SLC28A1: variants seen among roughly 807,000 people sequenced by gnomAD.
SLC28A1 encodes sodium/nucleoside cotransporter 1.
In SLC28A1, 64 loss-of-function variants were observed where a neutral mutation model predicts 74.8. The ratio of observed to expected loss-of-function variants is 0.86; its 90% CI spans 0.70 to 1.05. The LOEUF (loss-of-function observed/expected upper bound fraction) is 1.05, where lower values mean the gene tolerates loss of function less well. Among genes scored for constraint, SLC28A1 ranks in the 50% least tolerant of loss-of-function variants. SLC28A1 has a pLI of 0.00. For synonymous variants in SLC28A1, 359 were observed against 335.0 expected, an observed-to-expected ratio of 1.07 and a Z score of -0.78; for missense variants, 828 against 822.8, an observed-to-expected ratio of 1.01 and a Z score of -0.08.
chr15:84,905,732 T>G, intron 8 of SLC28A1, 80 bp downstream of exon 8: 2 of 1,085,872 alleles, frequency 1.8e-6, no homozygotes, highest in Non-Finnish European at 2.8e-6. Flanking sequence ...GGGGGAAAAG[T>G]GGGTGGTGAG....
At chr15:84,905,385 A>G (rs922796105) in intron 7 of SLC28A1, among the ~76,000 whole-genome samples, 154 bp from the exon 8 acceptor site, 1 of 152,152 alleles carries the variant, frequency 6.6e-6, no homozygotes, top group Non-Finnish European at 1.5e-5. Flanking sequence ...TCTGAATCCC[A>G]GGGAGGGTGT....
At chr15:84,938,320 CTTT>C in intron 15 of SLC28A1, 1 of 151,778 alleles carries the variant, frequency 6.6e-6, no homozygotes, top group South Asian at 2.1e-4. Flanking sequence ...CCTTCCTGTT[CTTT>C]TTTTTTCTTA....
chr15:84,907,377 G>T (rs1967399124), intron 8 of SLC28A1, among the ~76,000 whole-genome samples: 1 of 152,162 alleles, frequency 6.6e-6, no homozygotes, highest in African/African-American at 2.4e-5. Context: ...TAGAGATGGG[G>T]TTTTACCATG....
intron 4 of SLC28A1, 81 bp downstream of exon 4, chr15:84,888,941 G>A (rs745581344): frequency 2.2e-5 from 22 of 992,852 alleles, no homozygotes; most frequent in South Asian, 1.5e-4. Flanking sequence ...GCCTCCTGGC[G>A]GATGGGAGTT....
rs544009023 is a variant in SLC28A1, at chr15:84,937,587, G to A, written c.1581+2069G>A. 2.6e-5 allele frequency among the ~76,000 whole-genome samples: 4 copies of A among 152,290 alleles called. No individual in the cohort carries two copies. In the South Asian group the frequency reaches 6.2e-4, roughly 24 times the overall value. On this transcript the variant is annotated intron_variant, in intron 15 of 18. Coordinates refer to ENST00000394573, the MANE Select transcript of SLC28A1 (RefSeq NM_004213.5). ...AATTATGTTTTAAATTGTAAAGGAA[G>A]GGACTCTAGGTTTTTTAAAAAAGAA... is the stretch of plus-strand genomic sequence containing the variant.
At position 84,901,235 on chromosome 15, in the gene SLC28A1, G is replaced by A. The variant is rs552850566; in HGVS notation, c.462-2862G>A. Among the ~76,000 whole-genome samples the A allele has an allele frequency of 2.1e-3, 322 of 152,340 alleles. 2 individuals are homozygous for A. Among genetic ancestry groups the A allele is most frequent in the African/African-American group, 7.2e-3 (299 of 41,578 alleles). On this transcript the variant is annotated intron_variant, in intron 6 of 18. Transcript: ENST00000394573. ...TAAAATGAGCTCAAGGCCAAGAGCA[G>A]TGGCTCACGCCTATAACCCCAGCAC...
At chr15:84,946,112 ATTTTTTTT>A (rs1165709632), downstream of SLC28A1, among the ~76,000 whole-genome samples, 15 of 13,470 alleles carry the variant, frequency 1.1e-3, no homozygotes, top group African/African-American at 4.9e-3. Flanking sequence ...ATATATATAT[ATTTTTTTT>A]TTTTTTTTTT....
chr15:84,974,908 C>T, the SLC28A1 span, among the ~76,000 whole-genome samples: 1 of 152,108 alleles, frequency 6.6e-6, no homozygotes, highest in Non-Finnish European at 1.5e-5. Flanking sequence ...CAGCATTTCC[C>T]ATACCAGGAG....
intron 1 of SLC28A1, chr15:84,886,421 A>C: frequency 5.1e-6 from 5 of 985,400 alleles, no homozygotes; most frequent in Non-Finnish European, 6.0e-6. Flanking sequence ...GCTTCCTGGA[A>C]GAAGCGGCCC....
the SLC28A1 span, chr15:84,961,454 C>T: frequency 2.2e-6 from 1 of 451,834 alleles, no homozygotes; most frequent in Non-Finnish European, 4.4e-6. Context: ...ACCTCAGTCT[C>T]CCAAGCAGCT....
chr15:84,925,996 G>T (rs2343675), intron 12 of SLC28A1, among the ~76,000 whole-genome samples: 133,407 of 150,272 alleles, frequency 0.89, 59,554 homozygotes, highest in African/African-American at 0.97. Flanking sequence ...TTTTGGTGAA[G>T]GCCTATCAGT....
the SLC28A1 span, among the ~76,000 whole-genome samples, chr15:84,962,058 C>T: frequency 6.6e-6 from 1 of 152,032 alleles, no homozygotes; most frequent in Non-Finnish European, 1.5e-5. Flanking sequence ...ATAATCTTGA[C>T]CTAAATTTTT....
At chr15:84,965,911 G>T in the SLC28A1 span, among the ~76,000 whole-genome samples, 3 of 145,768 alleles carry the variant, frequency 2.1e-5, no homozygotes, top group Admixed American at 1.4e-4. Flanking sequence ...GGAGGGGGGG[G>T]AAATATTAGG....
intron 9 of SLC28A1, among the ~76,000 whole-genome samples, chr15:84,913,049 G>A (rs1055787632): frequency 2.0e-5 from 3 of 152,058 alleles, no homozygotes; most frequent in African/African-American, 7.2e-5. Context: ...GGAATGAGGG[G>A]CAAAATGCTG....
downstream of SLC28A1, among the ~76,000 whole-genome samples, chr15:84,947,266 G>A (rs749559178): frequency 1.3e-5 from 2 of 152,204 alleles, no homozygotes; most frequent in Admixed American, 6.5e-5. Context: ...TGCTCCAGCT[G>A]CCCTTGGGCT....
At chr15:84,914,807 G>A (rs888289640) in intron 9 of SLC28A1, among the ~76,000 whole-genome samples, 1 of 152,056 alleles carries the variant, frequency 6.6e-6, no homozygotes, top group Non-Finnish European at 1.5e-5. Flanking sequence ...TGGCCACAGG[G>A]ACCTTATTTA....
the SLC28A1 span, among the ~76,000 whole-genome samples, chr15:84,954,557 T>C: frequency 6.6e-6 from 1 of 152,156 alleles, no homozygotes; most frequent in Non-Finnish European, 1.5e-5. Flanking sequence ...GTAGATATTA[T>C]TATCCCCATT....
chr15:84,939,282 T>C (rs1441365941), intron 15 of SLC28A1, among the ~76,000 whole-genome samples: 1 of 152,100 alleles, frequency 6.6e-6, no homozygotes. Context: ...ATTTTGCCAC[T>C]GCACTCTAGC....
At chr15:84,905,055 C>T (rs925502716) in intron 7 of SLC28A1, among the ~76,000 whole-genome samples, 1 of 152,220 alleles carries the variant, frequency 6.6e-6, no homozygotes, top group South Asian at 2.1e-4. Flanking sequence ...AGGAGCCCAG[C>T]TCTTGTCTGC....
Sources: gnomAD v4.1 joint callset for allele counts (sites outside exome capture counted in the v4.1 genomes callset) on GRCh38, gnomAD v4.1.1 for gene constraint, MANE v1.5 for transcripts, NCBI Gene and HGNC (gene_info 2026-07-23, HGNC 2026-07-21) for gene names.